The following UNC13C variants were observed in gnomAD, a reference collection of about 807,000 sequenced individuals.
UNC13C encodes the protein unc-13 homolog C.
In UNC13C, 174 loss-of-function variants were observed where a neutral mutation model predicts 245.4. The observed-to-expected ratio is 0.71, with a 90% CI of 0.63 to 0.80. UNC13C has a LOEUF of 0.80. Ranked by LOEUF, UNC13C falls within the 30% of genes least tolerant of loss-of-function variation. UNC13C has a pLI of 0.00. For synonymous variants in UNC13C, 992 were observed against 895.1 expected, an observed-to-expected ratio of 1.11 and a Z score of -1.93; for missense variants, 2,829 against 2,602.9, an observed-to-expected ratio of 1.09 and a Z score of -1.89.
At chr15:54,236,570 C>T (rs1337145921) in intron 6 of UNC13C, 135 bp downstream of exon 6, 16 of 700,594 alleles carry the variant, frequency 2.3e-5, no homozygotes, top group Non-Finnish European at 3.0e-5. Flanking sequence ...GTTTGTTCTG[C>T]AAGAATTTAA....
At chr15:54,288,317 G>T (rs2037202023) in intron 10 of UNC13C, among the ~76,000 whole-genome samples, 1 of 152,004 alleles carries the variant, frequency 6.6e-6, no homozygotes, top group Non-Finnish European at 1.5e-5. Context: ...AACCTTCTTT[G>T]CTCATTTTAT....
At chr15:54,020,329 C>T (rs1895841539) in intron 2 of UNC13C, among the ~76,000 whole-genome samples, 1 of 147,858 alleles carries the variant, frequency 6.8e-6, no homozygotes, top group Non-Finnish European at 1.5e-5. Flanking sequence ...GACTGGAGTG[C>T]AGTGGCACGA....
At chr15:54,514,582 C>A (rs1254325142) in intron 24 of UNC13C, among the ~76,000 whole-genome samples, 1 of 152,216 alleles carries the variant, frequency 6.6e-6, no homozygotes, top group Non-Finnish European at 1.5e-5. Context: ...CTAACAACAG[C>A]ATTGCTTTCC....
At chr15:54,069,553 C>G (rs1045096523) in intron 2 of UNC13C, among the ~76,000 whole-genome samples, 2 of 152,128 alleles carry the variant, frequency 1.3e-5, no homozygotes, top group Non-Finnish European at 2.9e-5. Flanking sequence ...ATTCATGGCT[C>G]TATGCTTGGC....
chr15:54,504,912 CGTCCCACTCAAT>C (rs1193563766), intron 22 of UNC13C, among the ~76,000 whole-genome samples: 2 of 152,054 alleles, frequency 1.3e-5, no homozygotes, highest in Non-Finnish European at 2.9e-5. Flanking sequence ...AATTGATGGC[CGTCCCACTCAAT>C]GCTCCACCAG....
the UNC13C span, among the ~76,000 whole-genome samples, chr15:53,847,483 A>G: frequency 6.6e-6 from 1 of 151,148 alleles, no homozygotes; most frequent in Non-Finnish European, 1.5e-5. Flanking sequence ...CAGCCTCCCA[A>G]GCAGCTGGGA....
chr15:54,597,897 G>C (rs536059203), intron 30 of UNC13C, among the ~76,000 whole-genome samples: 1 of 152,240 alleles, frequency 6.6e-6, no homozygotes, highest in Admixed American at 6.5e-5. Context: ...TTTCAAAATT[G>C]AGGCATTAAA....
chr15:54,194,430 G>C (rs1395498743), intron 4 of UNC13C, among the ~76,000 whole-genome samples: 1 of 151,926 alleles, frequency 6.6e-6, no homozygotes, highest in African/African-American at 2.4e-5. Flanking sequence ...TTTGTGGCAA[G>C]GACAATACTG....
intron 2 of UNC13C, among the ~76,000 whole-genome samples, chr15:54,111,887 CAA>C (rs1900794397): frequency 6.6e-6 from 1 of 152,104 alleles, no homozygotes; most frequent in South Asian, 2.1e-4. Context: ...AGTTGGCATG[CAA>C]AGTCTTTGAT....
At chr15:53,938,400 A>C in the UNC13C span, among the ~76,000 whole-genome samples, 2 of 152,190 alleles carry the variant, frequency 1.3e-5, no homozygotes, top group Admixed American at 1.3e-4. Flanking sequence ...CTGCAAAGAG[A>C]CTTAGACTCC....
the UNC13C span, among the ~76,000 whole-genome samples, chr15:53,955,405 T>C: frequency 6.6e-6 from 1 of 152,106 alleles, no homozygotes; most frequent in African/African-American, 2.4e-5. Context: ...ATGGGGTTAT[T>C]AAAAGACATG....
the UNC13C span, among the ~76,000 whole-genome samples, chr15:53,903,278 G>T: frequency 6.6e-6 from 1 of 152,188 alleles, no homozygotes; most frequent in Non-Finnish European, 1.5e-5. Context: ...ATTTCCTGGT[G>T]TAAATAAAAG....
chr15:53,868,500 A>G, the UNC13C span, among the ~76,000 whole-genome samples: 98,819 of 151,948 alleles, frequency 0.65, 32,284 homozygotes, highest in African/African-American at 0.7. Context: ...GTCAGGTGAG[A>G]AGGAGACTAA....
chr15:54,418,771 A>G (rs989578890), intron 19 of UNC13C, among the ~76,000 whole-genome samples: 2 of 152,198 alleles, frequency 1.3e-5, no homozygotes, highest in Admixed American at 6.5e-5. Context: ...GCTAATTAGC[A>G]TCCGCTTTTC....
intron 30 of UNC13C, among the ~76,000 whole-genome samples, chr15:54,604,240 T>A (rs1899626422): frequency 6.6e-6 from 1 of 152,202 alleles, no homozygotes; most frequent in African/African-American, 2.4e-5. Context: ...ATCTAAAATT[T>A]CCAAAAGTAT....
chr15:54,353,554 C>A (rs943595970), intron 17 of UNC13C, among the ~76,000 whole-genome samples: 2 of 152,176 alleles, frequency 1.3e-5, no homozygotes, highest in Non-Finnish European at 2.9e-5. Flanking sequence ...ACGGTAGAAT[C>A]ACTTTCGTTG....
At chr15:53,857,433 T>C in the UNC13C span, among the ~76,000 whole-genome samples, 1 of 152,150 alleles carries the variant, frequency 6.6e-6, no homozygotes, top group African/African-American at 2.4e-5. Flanking sequence ...ATGTATGAGA[T>C]GGCAAGGCTA....
At chr15:54,580,350 T>A (rs1898145480) in intron 30 of UNC13C, among the ~76,000 whole-genome samples, 1 of 152,232 alleles carries the variant, frequency 6.6e-6, no homozygotes, top group Admixed American at 6.5e-5. Flanking sequence ...ATATAAGGTA[T>A]GTTAAATGGC....
At chr15:54,332,144 T>C in intron 15 of UNC13C, 33 bp downstream of exon 15, 1 of 1,423,926 alleles carries the variant, frequency 7.0e-7, no homozygotes. Context: ...AAAAGAAAAC[T>C]GTTGTTTGGT....
Sources: gnomAD v4.1 joint callset for allele counts (sites outside exome capture counted in the v4.1 genomes callset) on GRCh38, gnomAD v4.1.1 for gene constraint, MANE v1.5 for transcripts, NCBI Gene and HGNC (gene_info 2026-07-23, HGNC 2026-07-21) for gene names.